Variants in PNPT1 observed in about 807,000 individuals in gnomAD.
The protein encoded by PNPT1 is polyribonucleotide nucleotidyltransferase 1, mitochondrial.
In PNPT1, 53 loss-of-function variants were observed where a neutral mutation model predicts 119.5. The observed-to-expected ratio is 0.44, with a 90% CI of 0.36 to 0.56. The LOEUF is 0.56. Ranked by LOEUF, PNPT1 falls within the 20% of genes least tolerant of loss-of-function variation. The pLI is 0.00. For missense variants in PNPT1, 948 were observed against 938.5 expected (o/e 1.01, Z -0.13); for synonymous variants, 357 against 322.1 (o/e 1.11, Z -1.16).
At chr2:55,644,764 A>C in intron 22 of PNPT1, 44 bp from the exon 23 acceptor site, 1 of 1,410,404 alleles carries the variant, frequency 7.1e-7, no homozygotes, top group Non-Finnish European at 9.9e-7. Context: ...TCAACTACAT[A>C]CATGAACCTA....
intron 15 of PNPT1, among the ~76,000 whole-genome samples, chr2:55,659,082 G>A: frequency 6.6e-6 from 1 of 151,944 alleles, no homozygotes; most frequent in East Asian, 1.9e-4. Flanking sequence ...AGCCTCCCGA[G>A]TAGCTGGGAC....
At chr2:55,666,058 A>G (rs1293470941) in intron 13 of PNPT1, among the ~76,000 whole-genome samples, 1 of 152,192 alleles carries the variant, frequency 6.6e-6, no homozygotes. Context: ...CATAAACTAG[A>G]GTCTGAGTTA....
intron 8 of PNPT1, among the ~76,000 whole-genome samples, chr2:55,679,276 C>A (rs1046478183): frequency 6.6e-6 from 1 of 152,080 alleles, no homozygotes; most frequent in African/African-American, 2.4e-5. Context: ...AATGAAATAG[C>A]TAAATTATAA....
At chr2:55,648,294 C>T (rs1696067735) in intron 18 of PNPT1, among the ~76,000 whole-genome samples, 1 of 152,192 alleles carries the variant, frequency 6.6e-6, no homozygotes, top group South Asian at 2.1e-4. Context: ...CATACCACCA[C>T]ACAAAGCTCT....
intron 18 of PNPT1, among the ~76,000 whole-genome samples, chr2:55,653,103 C>T (rs1208169919): frequency 6.6e-6 from 1 of 152,242 alleles, no homozygotes; most frequent in Non-Finnish European, 1.5e-5. Flanking sequence ...CCACCTCAGG[C>T]TCCCAAAGTG....
At chr2:55,640,745 G>A in intron 25 of PNPT1, 40 bp from the exon 26 acceptor site, 1 of 1,288,812 alleles carries the variant, frequency 7.8e-7, no homozygotes, top group South Asian at 1.2e-5. Context: ...AAAATAATAA[G>A]TATCTGTATA....
intron 18 of PNPT1, among the ~76,000 whole-genome samples, chr2:55,648,702 A>G (rs1226183944): frequency 6.6e-6 from 1 of 152,116 alleles, no homozygotes; most frequent in Non-Finnish European, 1.5e-5. Context: ...TTCAATATGG[A>G]CAGAGCTTTA....
chr2:55,679,818 C>A (rs984717428), intron 7 of PNPT1, 23 bp from the exon 8 acceptor site: 3 of 1,516,644 alleles, frequency 2.0e-6, no homozygotes, highest in Non-Finnish European at 9.1e-7. Context: ...AGAATATTGG[C>A]AACTGTTTAA....
At chr2:55,653,170 T>C (rs1696266929) in intron 18 of PNPT1, among the ~76,000 whole-genome samples, 1 of 152,206 alleles carries the variant, frequency 6.6e-6, no homozygotes, top group African/African-American at 2.4e-5. Flanking sequence ...AAACTACTTA[T>C]AAACCATTCT....
At chr2:55,660,837 G>T (rs1005811921) in intron 14 of PNPT1, among the ~76,000 whole-genome samples, 25 of 152,292 alleles carry the variant, frequency 1.6e-4, no homozygotes, top group Admixed American at 1.6e-3. Context: ...ACCAAGCCCA[G>T]TGTTCTGCAT....
intron 1 of PNPT1, among the ~76,000 whole-genome samples, chr2:55,691,920 C>G (rs1257926578): frequency 8.2e-6 from 1 of 122,616 alleles, no homozygotes; most frequent in African/African-American, 3.1e-5. Flanking sequence ...AAGTTTCACT[C>G]TTATCACCCA....
In PNPT1 at chr2:55,634,950, T is replaced by A. The variant is rs1041619153; in HGVS notation, c.*1287A>T. ...CTGGAGTACAGTAGCTATTCACAGG[T>A]ATGATTGTTGCACACTACAGTGTCG... On this transcript the variant is annotated 3_prime_UTR_variant, in exon 28 of 28. Transcript: ENST00000447944. 3.3e-5 allele frequency: 5 copies of A among 152,160 alleles called. No individual in the cohort carries two copies. Among genetic ancestry groups the A allele is most frequent in the African/African-American group, 1.2e-4 (5 of 41,428 alleles). 9.4% of individuals were successfully genotyped at this position (152,160 alleles called of 1,614,324 possible). A position where few individuals can be genotyped will look rare whatever the true frequency, so the allele number is the denominator to read the frequency against.
chr2:55,636,701 G>C (rs1344415097), intron 27 of PNPT1, among the ~76,000 whole-genome samples: 1 of 152,180 alleles, frequency 6.6e-6, no homozygotes, highest in Non-Finnish European at 1.5e-5. Context: ...AATGATCCTA[G>C]ACAAGGGCTT....
Position 55,685,046 on chromosome 2 carries a change from A to C in PNPT1, c.300T>G (p.Val100=), listed in dbSNP as rs149750344. 28 of 1,572,314 alleles carry C rather than the reference A, an allele frequency of 1.8e-5. No homozygotes were observed. Among genetic ancestry groups the C allele is most frequent in the Non-Finnish European group, 2.1e-5 (24 of 1,154,290 alleles). The change falls in exon 4 of 28, where the codon GTT becomes GTG. Residue 100 remains valine (V), a splice_region_variant and synonymous_variant. Transcript: ENST00000447944. ...PSPSQFMPLV[V]DYRQKAAAAG... ...CTGCAGCAGCTTTTTGTCTGTAGTC[A>C]ACCTGAAGCAGCAATAAAAAAAAGT...
At chr2:55,663,926 T>C (rs1391509246) in intron 13 of PNPT1, among the ~76,000 whole-genome samples, 1 of 151,070 alleles carries the variant, frequency 6.6e-6, no homozygotes, top group Non-Finnish European at 1.5e-5. Context: ...GAGGCGGAGC[T>C]TGCCGTGAGC....
At chr2:55,670,344 G>A (rs1003866792) in intron 11 of PNPT1, among the ~76,000 whole-genome samples, 1 of 151,944 alleles carries the variant, frequency 6.6e-6, no homozygotes, top group Non-Finnish European at 1.5e-5. Context: ...CCGCCACCAC[G>A]CCCGGCTAAC....
At chr2:55,639,597 C>T (rs1695779924) in intron 26 of PNPT1, among the ~76,000 whole-genome samples, 1 of 152,100 alleles carries the variant, frequency 6.6e-6, no homozygotes, top group Non-Finnish European at 1.5e-5. Context: ...ATGTTCTTTA[C>T]TTATTTTTCT....
At chr2:55,673,293 C>T (rs1228658558) in intron 8 of PNPT1, among the ~76,000 whole-genome samples, 4 of 151,372 alleles carry the variant, frequency 2.6e-5, no homozygotes, top group Admixed American at 1.3e-4. Context: ...TTTAGGTTTA[C>T]ATTCTCCTTA....
At chr2:55,691,859 T>TAC in intron 1 of PNPT1, among the ~76,000 whole-genome samples, 1 of 49,816 alleles carries the variant, frequency 2.0e-5, no homozygotes, top group African/African-American at 7.3e-5. Flanking sequence ...TATATATATA[T>TAC]ATATATATAT....
Sources: allele counts gnomAD v4.1 joint callset (sites outside exome capture counted in the v4.1 genomes callset), GRCh38; gene constraint gnomAD v4.1.1; transcripts MANE v1.5; gene names NCBI Gene and HGNC (gene_info 2026-07-23, HGNC 2026-07-21).